The following LHFPL3 variants were observed in gnomAD, a reference collection of about 807,000 sequenced individuals.
The protein encoded by LHFPL3 is LHFPL tetraspan subfamily member 3 protein.
Under a neutral mutation model 19.3 loss-of-function variants are expected in LHFPL3, and 5 were observed. The observed-to-expected ratio is 0.26, with a 90% confidence interval of 0.14 to 0.54. LHFPL3 has a LOEUF of 0.54. Among genes scored for constraint, LHFPL3 ranks in the 20% least tolerant of loss-of-function variants. The pLI, the probability that LHFPL3 is intolerant of heterozygous loss-of-function variation, is 0.94. For synonymous variants in LHFPL3, 133 were observed against 126.2 expected, an observed-to-expected ratio of 1.05 and a Z score of -0.36; for missense variants, 249 against 307.4, an observed-to-expected ratio of 0.81 and a Z score of 1.42.
chr7:104,751,369 G>A (rs201074180), intron 2 of LHFPL3, among the ~76,000 whole-genome samples: 1 of 137,108 alleles, frequency 7.3e-6, no homozygotes, highest in Non-Finnish European at 1.6e-5. Context: ...TAAATGAGGG[G>A]CAGGCACTTC....
intron 1 of LHFPL3, among the ~76,000 whole-genome samples, chr7:104,519,025 T>TTTCTC (rs769276547): frequency 6.6e-6 from 1 of 152,118 alleles, no homozygotes; most frequent in African/African-American, 2.4e-5. Context: ...GTCTTAGAGC[T>TTTCTC]TTCTCTTCTC....
At chr7:104,761,869 T>C (rs1217581978) in intron 2 of LHFPL3, among the ~76,000 whole-genome samples, 4 of 152,170 alleles carry the variant, frequency 2.6e-5, no homozygotes, top group African/African-American at 7.2e-5. Context: ...GCAAGCCATA[T>C]TGGGAGGCAG....
chr7:104,390,892 G>A (rs1271888344), intron 1 of LHFPL3, among the ~76,000 whole-genome samples: 2 of 152,158 alleles, frequency 1.3e-5, no homozygotes, highest in East Asian at 1.9e-4. Context: ...GGTATGAGAT[G>A]GTATCTCACT....
chr7:104,557,881 A>G (rs923333328), intron 1 of LHFPL3, among the ~76,000 whole-genome samples: 3 of 136,866 alleles, frequency 2.2e-5, no homozygotes, highest in Non-Finnish European at 4.6e-5. Flanking sequence ...TCCTGTGTCC[A>G]TGTGATCTCA....
At position 104,329,028 on chromosome 7, in the gene LHFPL3, C is replaced by T; in HGVS notation, c.249C>T (p.Gly83=). 1 of 1,614,086 alleles carries T rather than the reference C, an allele frequency of 6.2e-7. No individual in the cohort carries two copies. ...TCTTCCACTACTGCATCGGCAACGG[C>T]TTCTCCCGGGAGCTGACCTGCAGGG... ...FGLFHYCIGN[G]FSRELTCRGS... The change falls in exon 1 of 3, where the codon GGC becomes GGT. Residue 83 remains glycine (G), a synonymous_variant. Transcript: ENST00000424859.
At chr7:104,840,997 T>C (rs1339137568) in intron 2 of LHFPL3, among the ~76,000 whole-genome samples, 1 of 152,126 alleles carries the variant, frequency 6.6e-6, no homozygotes, top group Admixed American at 6.6e-5. Context: ...GTGATTTTGA[T>C]ATTTGGTGAG....
At chr7:104,876,356 G>A (rs1791939537) in intron 2 of LHFPL3, among the ~76,000 whole-genome samples, 1 of 152,058 alleles carries the variant, frequency 6.6e-6, no homozygotes, top group Non-Finnish European at 1.5e-5. Flanking sequence ...CTACAGAATG[G>A]GAGAAAATTT....
At chr7:104,759,356 CCA>C (rs1794336741) in intron 2 of LHFPL3, among the ~76,000 whole-genome samples, 1 of 151,848 alleles carries the variant, frequency 6.6e-6, no homozygotes, top group Admixed American at 6.6e-5. Flanking sequence ...GTCCCTGTAG[CCA>C]CAGTTTAAAT....
At chr7:104,697,191 T>G (rs546020964) in intron 1 of LHFPL3, among the ~76,000 whole-genome samples, 1 of 152,260 alleles carries the variant, frequency 6.6e-6, no homozygotes, top group South Asian at 2.1e-4. Flanking sequence ...CTCTTAATAC[T>G]ATCACATTGG....
chr7:104,693,772 A>G (rs1584483836), intron 1 of LHFPL3, among the ~76,000 whole-genome samples: 1 of 143,358 alleles, frequency 7.0e-6, no homozygotes, highest in Admixed American at 7.1e-5. Context: ...GGCGCCCGCC[A>G]CCACGCCCTG....
intron 1 of LHFPL3, among the ~76,000 whole-genome samples, chr7:104,675,325 G>C (rs947697709): frequency 2.2e-4 from 34 of 152,342 alleles, no homozygotes; most frequent in African/African-American, 7.0e-4. Context: ...AGTGGGCAGA[G>C]GGGAGAGTAG....
At chr7:104,807,258 T>G (rs1790379717) in intron 2 of LHFPL3, among the ~76,000 whole-genome samples, 2 of 151,542 alleles carry the variant, frequency 1.3e-5, no homozygotes, top group South Asian at 4.2e-4. Flanking sequence ...AGAGAAGAGG[T>G]TGGGGCGATG....
intron 1 of LHFPL3, among the ~76,000 whole-genome samples, chr7:104,490,450 C>T (rs1308596461): frequency 1.3e-5 from 2 of 152,094 alleles, no homozygotes; most frequent in Non-Finnish European, 2.9e-5. Context: ...TTCAGAGACA[C>T]CAAAGGGTAC....
intron 2 of LHFPL3, among the ~76,000 whole-genome samples, chr7:104,770,913 C>T (rs1426097909): frequency 2.6e-5 from 4 of 152,214 alleles, no homozygotes; most frequent in African/African-American, 9.7e-5. Context: ...CCCGTCATCC[C>T]CTGTAGCATG....
chr7:104,862,462 T>C (rs759171632), intron 2 of LHFPL3, among the ~76,000 whole-genome samples: 1 of 152,180 alleles, frequency 6.6e-6, no homozygotes, highest in African/African-American at 2.4e-5. Context: ...GATATGAAAA[T>C]GAGGTTCTGA....
At chr7:104,432,545 C>T (rs1156527634) in intron 1 of LHFPL3, among the ~76,000 whole-genome samples, 1 of 152,152 alleles carries the variant, frequency 6.6e-6, no homozygotes, top group East Asian at 1.9e-4. Flanking sequence ...TCAAAGGCCT[C>T]AATTGCCACC....
At position 104,546,735 on chromosome 7, in the gene LHFPL3, G is replaced by A. The variant is rs1209331266; in HGVS notation, c.446-189940G>A. Among the ~76,000 whole-genome samples the A allele has an allele frequency of 2.6e-5, 4 of 152,214 alleles. No homozygotes were observed. In the East Asian group the frequency reaches 7.7e-4, roughly 29 times the overall value. On this transcript the variant is annotated intron_variant, in intron 1 of 2. Transcript: ENST00000424859. ...TCCCAAGGCTGCATAACTGAGCTGG[G>A]AGAGTTCTTCCTTTGTCACTGGAGA...
At chr7:104,616,786 G>A (rs532624856) in intron 1 of LHFPL3, among the ~76,000 whole-genome samples, 2 of 151,790 alleles carry the variant, frequency 1.3e-5, no homozygotes, top group Non-Finnish European at 2.9e-5. Context: ...AATCTACAAG[G>A]AACTTAAACA....
chr7:104,804,801 C>G (rs1407207975), intron 2 of LHFPL3, among the ~76,000 whole-genome samples: 3 of 152,140 alleles, frequency 2.0e-5, no homozygotes, highest in African/African-American at 7.2e-5. Flanking sequence ...AGAAATCAGC[C>G]CTGACCAATA....
Sources: gnomAD v4.1 joint callset for allele counts (sites outside exome capture counted in the v4.1 genomes callset) on GRCh38, gnomAD v4.1.1 for gene constraint, MANE v1.5 for transcripts, NCBI Gene and HGNC (gene_info 2026-07-23, HGNC 2026-07-21) for gene names.